The following GPR63 variants were observed in gnomAD, a reference collection of about 807,000 sequenced individuals.
GPR63 encodes the protein probable G protein-coupled receptor 63.
Under a neutral mutation model 23.1 loss-of-function variants are expected in GPR63, and 12 were observed. That is an observed-to-expected ratio of 0.52 (90% CI 0.33 to 0.84). The LOEUF is 0.84. Ranked by LOEUF, GPR63 falls within the 40% of genes least tolerant of loss-of-function variation. GPR63 has a pLI of 0.02. For missense variants in GPR63, 472 were observed against 515.6 expected, an observed-to-expected ratio of 0.92 and a Z score of 0.82; for synonymous variants, 172 against 191.1, an observed-to-expected ratio of 0.90 and a Z score of 0.82.
intron 1 of GPR63, among the ~76,000 whole-genome samples, chr6:96,836,340 G>A (rs1040898328): frequency 1.1e-4 from 16 of 152,152 alleles, no homozygotes; most frequent in Admixed American, 2.0e-4. Flanking sequence ...ATGATTCTTA[G>A]AAACACTACT....
intron 1 of GPR63, among the ~76,000 whole-genome samples, chr6:96,809,353 A>G (rs1376475072): frequency 6.6e-6 from 1 of 152,200 alleles, no homozygotes; most frequent in East Asian, 1.9e-4. Flanking sequence ...TCAGACTACA[A>G]ATCTTGCAAA....
chr6:96,828,940 G>T (rs140241449), intron 1 of GPR63, among the ~76,000 whole-genome samples: 2 of 151,994 alleles, frequency 1.3e-5, no homozygotes, highest in East Asian at 3.9e-4. Flanking sequence ...ATGACAAAAG[G>T]GTTAATTTCC....
intron 1 of GPR63, among the ~76,000 whole-genome samples, chr6:96,805,447 C>A (rs1455286707): frequency 6.6e-6 from 1 of 152,146 alleles, no homozygotes; most frequent in African/African-American, 2.4e-5. Flanking sequence ...ACTGGGGATT[C>A]CATTTCAACA....
At position 96,795,218 on chromosome 6, in the gene GPR63, T is replaced by C. The variant is rs907018435; in HGVS notation, c.*3254A>G. On this transcript the variant is annotated 3_prime_UTR_variant, in exon 2 of 2. Transcript: ENST00000229955. ...GTTTAAATAATGTTACTCCATACTATTTGGAATTTCCCTTGCATCTTTCTT... is the reference window on the plus strand; with the variant it reads ...GTTTAAATAATGTTACTCCATACTACTTGGAATTTCCCTTGCATCTTTCTT... 1.3e-5 allele frequency: 2 copies of C among 152,196 alleles called. No homozygotes were observed. Among genetic ancestry groups the C allele is most frequent in the African/African-American group, 4.8e-5 (2 of 41,454 alleles). 9.4% of individuals were successfully genotyped at this position (152,196 alleles called of 1,614,324 possible).
At chr6:96,836,390 GAA>G (rs893108671) in intron 1 of GPR63, among the ~76,000 whole-genome samples, 2 of 152,006 alleles carry the variant, frequency 1.3e-5, no homozygotes, top group African/African-American at 4.8e-5. Context: ...AAGACATAAT[GAA>G]AAACAAGCTC....
At chr6:96,828,969 T>C (rs1478185242) in intron 1 of GPR63, among the ~76,000 whole-genome samples, 1 of 152,080 alleles carries the variant, frequency 6.6e-6, no homozygotes, top group Admixed American at 6.5e-5. Context: ...TATTTAAAAA[T>C]CTAAACTTGT....
At chr6:96,821,250 T>G (rs1457090290) in intron 1 of GPR63, among the ~76,000 whole-genome samples, 1 of 152,226 alleles carries the variant, frequency 6.6e-6, no homozygotes, top group Non-Finnish European at 1.5e-5. Flanking sequence ...CAGTTTCACT[T>G]AAGTCAGAAA....
intron 1 of GPR63, among the ~76,000 whole-genome samples, chr6:96,820,023 G>A (rs904172337): frequency 6.7e-6 from 1 of 149,926 alleles, no homozygotes; most frequent in African/African-American, 2.5e-5. Context: ...TCGACCAGTA[G>A]GACAGTCTGT....
intron 1 of GPR63, among the ~76,000 whole-genome samples, chr6:96,801,327 G>C (rs1773760309): frequency 6.6e-6 from 1 of 151,834 alleles, no homozygotes; most frequent in African/African-American, 2.4e-5. Context: ...AGCCTCCCGA[G>C]TAGCTGGGAT....
At chr6:96,815,496 C>G (rs978250629) in intron 1 of GPR63, among the ~76,000 whole-genome samples, 9 of 152,170 alleles carry the variant, frequency 5.9e-5, no homozygotes, top group Admixed American at 3.3e-4. Context: ...TAAAAATCTT[C>G]TGTACAACAC....
rs1412955947 is a variant in GPR63, at chr6:96,797,757, A to G, written c.*715T>C. On this transcript the variant is annotated 3_prime_UTR_variant, in exon 2 of 2. Coordinates refer to ENST00000229955, the MANE Select transcript of GPR63 (RefSeq NM_030784.4). ...GATCCTGTCTCCTAGATTTTGCGCT[A>G]TTGCTTGAAGAGTTGCTATTGTGCT... 6.6e-6 allele frequency: 1 copy of G among 152,182 alleles called. No individual in the cohort carries two copies. Among genetic ancestry groups the G allele is most frequent in the East Asian group, 1.9e-4 (1 of 5,202 alleles). 9.4% of individuals were successfully genotyped at this position (152,182 alleles called of 1,614,324 possible). A position where few individuals can be genotyped will look rare whatever the true frequency, so the allele number is the denominator to read the frequency against.
At chr6:96,829,504 A>G (rs903897807) in intron 1 of GPR63, among the ~76,000 whole-genome samples, 2 of 152,110 alleles carry the variant, frequency 1.3e-5, no homozygotes, top group Non-Finnish European at 2.9e-5. Flanking sequence ...ACCAGCCTGG[A>G]CAACACAGTG....
Position 96,798,730 on chromosome 6 carries a change from G to T in GPR63, c.1002C>A (p.Ser334Arg). The stretch of plus-strand genomic sequence containing the variant: ...AGTGCTTACTGAATGTTGCCACAAG[G>T]CTGTAAGTGGTGAATGGGGCCCAGC... The part of the protein sequence containing the change: ...IVCWAPFTTY[S>R]LVATFSKHFY... Residue 334 changes from serine to arginine, a missense_variant, in exon 2 of 2, where the codon AGC becomes AGA. Coordinates refer to ENST00000229955, the MANE Select transcript of GPR63 (RefSeq NM_030784.4). 1 of 1,614,190 alleles carries T rather than the reference G, an allele frequency of 6.2e-7. No individual in the cohort carries two copies. The highest frequency in any genetic ancestry group is 8.5e-7 in the Non-Finnish European group (1 of 1,180,036).
chr6:96,823,933 T>C (rs1460502309), intron 1 of GPR63, among the ~76,000 whole-genome samples: 1 of 151,836 alleles, frequency 6.6e-6, no homozygotes, highest in East Asian at 1.9e-4. Context: ...CCATCTAGGC[T>C]TGTGTAAGTG....
At chr6:96,819,517 G>C (rs1774247394) in intron 1 of GPR63, among the ~76,000 whole-genome samples, 1 of 151,912 alleles carries the variant, frequency 6.6e-6, no homozygotes, top group Non-Finnish European at 1.5e-5. Context: ...GGGCCTGTCG[G>C]GGTGCAGGGG....
intron 1 of GPR63, among the ~76,000 whole-genome samples, chr6:96,805,583 C>A (rs1773876218): frequency 3.3e-5 from 5 of 152,174 alleles, no homozygotes; most frequent in Admixed American, 2.6e-4. Flanking sequence ...ACAACTCCCA[C>A]TCATCCCAGA....
chr6:96,835,171 A>C (rs1484359798), intron 1 of GPR63, among the ~76,000 whole-genome samples: 1 of 152,140 alleles, frequency 6.6e-6, no homozygotes, highest in Non-Finnish European at 1.5e-5. Context: ...ACTGAAAACC[A>C]GTGCTTTTTA....
chr6:96,798,422 A>C lies in GPR63; in HGVS notation c.*50T>G. 6.4e-7 allele frequency: 1 copy of C among 1,569,266 alleles called. No homozygotes were observed. The highest frequency in any genetic ancestry group is 8.7e-7 in the Non-Finnish European group (1 of 1,155,472). ...GGAGAGGCTATGAGAAAGAGAATTCAATGTCAATAAAGAACAAGCATCACC... is the reference window on the plus strand; with the variant it reads ...GGAGAGGCTATGAGAAAGAGAATTCCATGTCAATAAAGAACAAGCATCACC... On this transcript the variant is annotated 3_prime_UTR_variant, in exon 2 of 2. Transcript: ENST00000229955.
At chr6:96,824,760 T>C (rs1233386816) in intron 1 of GPR63, among the ~76,000 whole-genome samples, 1 of 152,116 alleles carries the variant, frequency 6.6e-6, no homozygotes, top group African/African-American at 2.4e-5. Flanking sequence ...TTGTGGTGTT[T>C]GGTTGTTACT....
Sources: allele counts gnomAD v4.1 joint callset (sites outside exome capture counted in the v4.1 genomes callset), GRCh38; gene constraint gnomAD v4.1.1; transcripts MANE v1.5; gene names NCBI Gene and HGNC (gene_info 2026-07-23, HGNC 2026-07-21).